PPIL4: variants seen among roughly 807,000 people sequenced by gnomAD.
PPIL4 encodes the protein peptidylprolyl isomerase like 4.
A neutral mutation model predicts 69.1 loss-of-function variants in PPIL4; 50 were observed. That is an observed-to-expected ratio of 0.72 (90% CI 0.58 to 0.92). PPIL4 has a LOEUF of 0.92. PPIL4 is among the 40% of genes least tolerant of loss of function. The pLI is 0.00. For missense variants in PPIL4, 480 were observed against 587.9 expected, an observed-to-expected ratio of 0.82 and a Z score of 1.90; for synonymous variants, 193 against 191.6, an observed-to-expected ratio of 1.01 and a Z score of -0.06.
Position 149,505,300 on chromosome 6 carries a change from G to T in PPIL4, c.*153C>A. 2 of 564,084 alleles carry T rather than the reference G, an allele frequency of 3.5e-6. No individual in the cohort carries two copies. Among genetic ancestry groups the T allele is most frequent in the South Asian group, 3.4e-5 (1 of 29,676 alleles). 34.9% of individuals were successfully genotyped at this position (564,084 alleles called of 1,614,324 possible). On this transcript the variant is annotated 3_prime_UTR_variant, in exon 13 of 13. Coordinates refer to ENST00000253329, the MANE Select transcript of PPIL4 (RefSeq NM_139126.4). ...AAAATGTTCAATTCTTTATCTTTCC[G>T]TGCTCTATATAATCAGTATTAATCT...
At chr6:149,523,851 A>G (rs1260701345) in intron 9 of PPIL4, among the ~76,000 whole-genome samples, 2 of 152,226 alleles carry the variant, frequency 1.3e-5, no homozygotes, top group Admixed American at 6.5e-5. Context: ...GTGCAGGTCT[A>G]CAAGTTTTCA....
chr6:149,544,568 T>A (rs1230070042), intron 1 of PPIL4, among the ~76,000 whole-genome samples: 1 of 152,220 alleles, frequency 6.6e-6, no homozygotes, highest in Non-Finnish European at 1.5e-5. Context: ...AAATAAAATG[T>A]GTCATGTGGT....
Position 149,505,598 on chromosome 6 carries a change from C to T in PPIL4, c.1334G>A (p.Arg445Gln), listed in dbSNP as rs761631618. 34 of 1,614,002 alleles carry T rather than the reference C, an allele frequency of 2.1e-5. No individual in the cohort carries two copies. Among genetic ancestry groups the T allele is most frequent in the Non-Finnish European group, 2.7e-5 (32 of 1,180,030 alleles). ...RDRTQNRSRSRSRERDGHYSN... is the reference protein window; with the variant it reads ...RDRTQNRSRSQSRERDGHYSN... ...ATAATGGCCATCCCTCTCTCGAGAT[C>T]GGCTACGACTTCGGTTCTGAGTTCG... Residue 445 changes from arginine (R) to glutamine (Q), a missense_variant, in exon 13 of 13, where the codon CGA becomes CAA. By Grantham distance (43) the Arg-to-Gln change is conservative. Coordinates refer to ENST00000253329, the MANE Select transcript of PPIL4 (RefSeq NM_139126.4).
intron 7 of PPIL4, among the ~76,000 whole-genome samples, chr6:149,529,330 C>T (rs780727795): frequency 9.2e-5 from 14 of 151,474 alleles, no homozygotes; most frequent in Non-Finnish European, 1.3e-4. Context: ...TGGTGGCACA[C>T]GCCTGTGGTC....
chr6:149,541,736 G>A, intron 1 of PPIL4, 150 bp from the exon 2 acceptor site: 1 of 531,070 alleles, frequency 1.9e-6, no homozygotes, highest in South Asian at 2.3e-5. Flanking sequence ...AATAGGCCGG[G>A]CGCTGGCTCA....
rs755507058 is a variant in PPIL4, at chr6:149,505,522, CCTTT to C, written c.1406_1409del (p.Glu469GlyfsTer26). 3.7e-6 allele frequency: 6 copies of C among 1,613,830 alleles called. No homozygotes were observed. The highest frequency in any genetic ancestry group is 5.1e-6 in the Non-Finnish European group (6 of 1,179,910). ...TTCTGCTTCGGTCTCTCTTTTTACT[CCTTT>C]CTCTTTCATAAAGATCTGTTTGGTA... On this transcript the variant is annotated frameshift_variant, in exon 13 of 13. Transcript: ENST00000253329. LOFTEE classifies it high-confidence loss of function.
chr6:149,527,957 C>G (rs1194104414), intron 7 of PPIL4, among the ~76,000 whole-genome samples: 1 of 152,108 alleles, frequency 6.6e-6, no homozygotes, highest in Admixed American at 6.5e-5. Context: ...AACATTATGT[C>G]CAATAAGAAG....
At chr6:149,536,550 A>C (rs774381272) in intron 4 of PPIL4, among the ~76,000 whole-genome samples, 3 of 152,178 alleles carry the variant, frequency 2.0e-5, no homozygotes, top group Non-Finnish European at 4.4e-5. Flanking sequence ...AGGTTTTAGT[A>C]ATCTACATAG....
intron 7 of PPIL4, among the ~76,000 whole-genome samples, chr6:149,531,748 C>T (rs1321266877): frequency 6.6e-6 from 1 of 152,076 alleles, no homozygotes; most frequent in African/African-American, 2.4e-5. Flanking sequence ...CGGCTCACAG[C>T]AACTTTCGCC....
Position 149,540,078 on chromosome 6 carries a change from G to A in PPIL4, c.321+864C>T, listed in dbSNP as rs549819963. 1.8e-4 allele frequency among the ~76,000 whole-genome samples: 27 copies of A among 151,754 alleles called. 1 individual carries two copies. The South Asian group carries it at 2.5e-3, about 14-fold the overall frequency. On this transcript the variant is annotated intron_variant, in intron 4 of 12. Transcript: ENST00000253329. Reference sequence around the variant, plus strand: ...TGAGAGGCGGAGGTTGCAGTGAGCCGAGATCACACCACTGCACTCCAGCCT... The same window carrying A: ...TGAGAGGCGGAGGTTGCAGTGAGCCAAGATCACACCACTGCACTCCAGCCT...
intron 5 of PPIL4, 30 bp downstream of exon 5, chr6:149,535,566 G>T (rs779589837): frequency 1.3e-6 from 2 of 1,581,638 alleles, no homozygotes; most frequent in South Asian, 2.2e-5. Flanking sequence ...AAACATTCTA[G>T]TACATTCAGA....
At chr6:149,541,093 C>A in intron 3 of PPIL4, 34 bp from the exon 4 acceptor site, 1 of 1,254,272 alleles carries the variant, frequency 8.0e-7, no homozygotes, top group Non-Finnish European at 1.2e-6. Context: ...AATGTAAGTA[C>A]TCTCAAAATG....
At chr6:149,528,260 A>ATTTT (rs1777139997) in intron 7 of PPIL4, among the ~76,000 whole-genome samples, 1 of 152,182 alleles carries the variant, frequency 6.6e-6, no homozygotes, top group African/African-American at 2.4e-5. Flanking sequence ...AAAAAACAAA[A>ATTTT]AAGAGTGTCA....
Position 149,526,693 on chromosome 6 carries a change from C to CACTGGGT in PPIL4, c.761_762insACCCAGT (p.Asp255ProfsTer10). 1 of 1,611,678 alleles carries CACTGGGT rather than the reference C, an allele frequency of 6.2e-7. No homozygotes were observed. Among genetic ancestry groups the CACTGGGT allele is most frequent in the Non-Finnish European group, 8.5e-7 (1 of 1,178,220 alleles). Reference sequence around the variant, plus strand: ...ATCTAGAGAATATTATTTCCAGATCCTCATCTGTGGTCACTGGGTTCAATT... The same window carrying CACTGGGT: ...ATCTAGAGAATATTATTTCCAGATCCACTGGGTTCATCTGTGGTCACTGGGTTCAATT... On this transcript the variant is annotated frameshift_variant, in exon 8 of 13. Coordinates refer to ENST00000253329, the MANE Select transcript of PPIL4 (RefSeq NM_139126.4). LOFTEE classifies it high-confidence loss of function.
intron 4 of PPIL4, among the ~76,000 whole-genome samples, chr6:149,539,646 C>T (rs1262653196): frequency 6.6e-6 from 1 of 152,180 alleles, no homozygotes; most frequent in East Asian, 1.9e-4. Flanking sequence ...CCGCAAAGTA[C>T]TGGGATTACA....
chr6:149,523,186 A>C (rs1387068737), intron 9 of PPIL4, among the ~76,000 whole-genome samples: 1 of 152,132 alleles, frequency 6.6e-6, no homozygotes, highest in African/African-American at 2.4e-5. Flanking sequence ...GAAAGGAAAA[A>C]GGCATGCCTG....
At chr6:149,540,090 C>T (rs1291606705) in intron 4 of PPIL4, among the ~76,000 whole-genome samples, 3 of 151,938 alleles carry the variant, frequency 2.0e-5, no homozygotes, top group Non-Finnish European at 4.4e-5. Flanking sequence ...GATCACACCA[C>T]TGCACTCCAG....
At chr6:149,540,507 C>T (rs1396918268) in intron 4 of PPIL4, among the ~76,000 whole-genome samples, 5 of 152,060 alleles carry the variant, frequency 3.3e-5, no homozygotes, top group Non-Finnish European at 5.9e-5. Context: ...CCCAGCTATT[C>T]GGAAGGCCGA....
intron 7 of PPIL4, among the ~76,000 whole-genome samples, chr6:149,527,764 A>G (rs893786492): frequency 2.6e-5 from 4 of 152,214 alleles, no homozygotes; most frequent in African/African-American, 9.6e-5. Flanking sequence ...TAGATGGGGC[A>G]ACAACATCCC....
Sources: allele counts gnomAD v4.1 joint callset (sites outside exome capture counted in the v4.1 genomes callset), GRCh38; gene constraint gnomAD v4.1.1; transcripts MANE v1.5; gene names NCBI Gene and HGNC (gene_info 2026-07-23, HGNC 2026-07-21).